SGCZ: variants seen among roughly 807,000 people sequenced by gnomAD.
SGCZ encodes the protein sarcoglycan zeta, also known as zeta-sarcoglycan.
A neutral mutation model predicts 41.3 loss-of-function variants in SGCZ; 40 were observed. The observed-to-expected ratio is 0.97, with a 90% confidence interval of 0.75 to 1.26. The LOEUF is 1.26. Among genes scored for constraint, SGCZ ranks in the 50% most tolerant of loss-of-function variants. SGCZ has a pLI of 0.00. For synonymous variants in SGCZ, 206 were observed against 137.5 expected (o/e 1.50, Z -3.49); for missense variants, 552 against 369.8 (o/e 1.49, Z -4.04).
intron 1 of SGCZ, among the ~76,000 whole-genome samples, chr8:14,576,946 CAA>C (rs753852531): frequency 4.6e-5 from 7 of 152,174 alleles, no homozygotes; most frequent in Admixed American, 1.3e-4. Flanking sequence ...GACATTCATT[CAA>C]AGAGTCTTCA....
At chr8:14,399,198 G>C (rs973003539) in intron 2 of SGCZ, among the ~76,000 whole-genome samples, 1 of 152,066 alleles carries the variant, frequency 6.6e-6, no homozygotes, top group African/African-American at 2.4e-5. Context: ...TTATTTTCCT[G>C]TTAAGTGTCA....
chr8:14,699,968 G>C (rs1423741960), intron 1 of SGCZ, among the ~76,000 whole-genome samples: 1 of 151,972 alleles, frequency 6.6e-6, no homozygotes, highest in Non-Finnish European at 1.5e-5. Flanking sequence ...ATGTTGGCGA[G>C]GTTGCAGAGA....
chr8:14,963,069 C>T (rs896101106), intron 1 of SGCZ, among the ~76,000 whole-genome samples: 7 of 152,130 alleles, frequency 4.6e-5, no homozygotes, highest in African/African-American at 1.7e-4. Flanking sequence ...AATGAGATGA[C>T]AAACAACCTT....
At chr8:14,488,451 G>A (rs776718483) in intron 2 of SGCZ, among the ~76,000 whole-genome samples, 42 of 151,958 alleles carry the variant, frequency 2.8e-4, no homozygotes, top group Middle Eastern at 3.4e-3. Context: ...TAGGCCCTTC[G>A]CTTGTGCTTC....
intron 1 of SGCZ, among the ~76,000 whole-genome samples, chr8:14,572,167 C>A (rs1036588737): frequency 1.3e-5 from 2 of 152,142 alleles, no homozygotes; most frequent in Non-Finnish European, 2.9e-5. Flanking sequence ...CAGCATTTTG[C>A]ATTTCAACAG....
At chr8:15,039,655 G>C (rs934091452) in intron 1 of SGCZ, among the ~76,000 whole-genome samples, 2 of 152,162 alleles carry the variant, frequency 1.3e-5, no homozygotes, top group Non-Finnish European at 2.9e-5. Flanking sequence ...AAAGAGTAAA[G>C]TGTATTTCAC....
chr8:14,880,035 T>G (rs1314290292), intron 1 of SGCZ, among the ~76,000 whole-genome samples: 1 of 152,054 alleles, frequency 6.6e-6, no homozygotes. Flanking sequence ...GAGACTGTGT[T>G]TCTCCATGTT....
At chr8:14,981,184 A>C (rs2130880040) in intron 1 of SGCZ, among the ~76,000 whole-genome samples, 1 of 152,272 alleles carries the variant, frequency 6.6e-6, no homozygotes, top group East Asian at 1.9e-4. Context: ...TCCTTGTTTA[A>C]ATTTCCCCTC....
chr8:14,686,928 G>T (rs560746683), intron 1 of SGCZ, among the ~76,000 whole-genome samples: 1 of 151,782 alleles, frequency 6.6e-6, no homozygotes, highest in Admixed American at 6.6e-5. Flanking sequence ...TCCCTGAATT[G>T]TACTTGAGCC....
chr8:14,102,000 G>T (rs1162677935), intron 7 of SGCZ, among the ~76,000 whole-genome samples: 1 of 151,108 alleles, frequency 6.6e-6, no homozygotes, highest in Non-Finnish European at 1.5e-5. Flanking sequence ...GGGAGTGAAT[G>T]GGTTGACGAC....
chr8:14,583,434 C>A (rs1007048965), intron 1 of SGCZ, among the ~76,000 whole-genome samples: 23 of 151,940 alleles, frequency 1.5e-4, no homozygotes, highest in African/African-American at 3.4e-4. Context: ...GGTTGCGAAA[C>A]TTTTCTCCCA....
intron 2 of SGCZ, among the ~76,000 whole-genome samples, chr8:14,414,179 C>T (rs1012888198): frequency 5.9e-5 from 9 of 151,806 alleles, no homozygotes; most frequent in Non-Finnish European, 1.0e-4. Context: ...CAGAAATGAA[C>T]GCACACACTC....
intron 2 of SGCZ, among the ~76,000 whole-genome samples, chr8:14,364,138 T>A (rs1204300858): frequency 6.6e-6 from 1 of 152,208 alleles, no homozygotes; most frequent in Non-Finnish European, 1.5e-5. Flanking sequence ...TAAAATGTGT[T>A]TATTTCTATG....
chr8:14,172,578 T>C (rs1276502916), intron 4 of SGCZ, among the ~76,000 whole-genome samples: 1 of 152,170 alleles, frequency 6.6e-6, no homozygotes, highest in Admixed American at 6.5e-5. Context: ...AAAATGTTTG[T>C]TGTAATTGTC....
chr8:14,160,319 G>C, intron 5 of SGCZ, among the ~76,000 whole-genome samples: 1 of 152,264 alleles, frequency 6.6e-6, no homozygotes, highest in South Asian at 2.1e-4. Context: ...TGTGGAATAC[G>C]AATGAAACTG....
At chr8:15,015,807 A>G (rs1290717813) in intron 1 of SGCZ, among the ~76,000 whole-genome samples, 8 of 141,982 alleles carry the variant, frequency 5.6e-5, no homozygotes, top group Non-Finnish European at 9.1e-5. Flanking sequence ...TTCTGATATC[A>G]GTTTCCAATC....
chr8:14,933,740 C>T (rs1799996002), intron 1 of SGCZ, among the ~76,000 whole-genome samples: 1 of 152,028 alleles, frequency 6.6e-6, no homozygotes, highest in Admixed American at 6.5e-5. Flanking sequence ...GCATGAGCCA[C>T]CGCGGCCAGC....
At chr8:14,955,931 C>A (rs768449137) in intron 1 of SGCZ, among the ~76,000 whole-genome samples, 1 of 151,902 alleles carries the variant, frequency 6.6e-6, no homozygotes, top group Non-Finnish European at 1.5e-5. Flanking sequence ...TATTTTGCTG[C>A]ATAGTTAGAG....
chr8:14,285,638 A>G (rs367657292), intron 3 of SGCZ, among the ~76,000 whole-genome samples: 6 of 152,128 alleles, frequency 3.9e-5, no homozygotes, highest in Non-Finnish European at 8.8e-5. Flanking sequence ...AGATAAATTG[A>G]TATTTATAAG....
Sources: gnomAD v4.1 joint callset for allele counts (sites outside exome capture counted in the v4.1 genomes callset) on GRCh38, gnomAD v4.1.1 for gene constraint, MANE v1.5 for transcripts, NCBI Gene and HGNC (gene_info 2026-07-23, HGNC 2026-07-21) for gene names.